Variants in CNTN1 observed in about 807,000 individuals in gnomAD.
The protein encoded by CNTN1 is contactin 1.
CNTN1 carries 38 observed loss-of-function variants against 126.4 expected under a neutral mutation model. The ratio of observed to expected loss-of-function variants is 0.30; its 90% CI spans 0.23 to 0.39. CNTN1 has a LOEUF of 0.39. Among genes scored for constraint, CNTN1 ranks in the 10% least tolerant of loss-of-function variants. CNTN1 has a pLI of 1.00. For synonymous variants in CNTN1, 413 were observed against 422.6 expected (o/e 0.98, Z 0.28); for missense variants, 1,009 against 1,248.4 (o/e 0.81, Z 2.89).
chr12:40,822,406 C>G (rs116833442), intron 1 of CNTN1, among the ~76,000 whole-genome samples: 17 of 151,666 alleles, frequency 1.1e-4, no homozygotes, highest in Non-Finnish European at 1.9e-4. Context: ...CCGCTCGCCT[C>G]GGGCTCCCAA....
At chr12:40,870,110 C>T (rs1943433807) in intron 1 of CNTN1, among the ~76,000 whole-genome samples, 2 of 152,066 alleles carry the variant, frequency 1.3e-5, no homozygotes, top group South Asian at 4.1e-4. Context: ...TGTGCCTTCA[C>T]CTTCCACCAT....
chr12:41,051,114 G>A (rs1322265757), intron 23 of CNTN1, among the ~76,000 whole-genome samples: 1 of 151,068 alleles, frequency 6.6e-6, no homozygotes, highest in East Asian at 1.9e-4. Flanking sequence ...CCTTCAGTGA[G>A]CTGTGTTTTT....
intron 1 of CNTN1, among the ~76,000 whole-genome samples, chr12:40,841,578 C>T (rs1452106813): frequency 6.6e-6 from 1 of 151,958 alleles, no homozygotes; most frequent in Non-Finnish European, 1.5e-5. Context: ...GATAATACAC[C>T]TTGATCAAGT....
At chr12:40,860,454 C>A (rs1307835373) in intron 1 of CNTN1, among the ~76,000 whole-genome samples, 1 of 152,058 alleles carries the variant, frequency 6.6e-6, no homozygotes, top group East Asian at 1.9e-4. Flanking sequence ...CTCAGTCTTA[C>A]AAGATTGCCC....
At chr12:40,721,532 G>A (rs991750005) in intron 1 of CNTN1, among the ~76,000 whole-genome samples, 2 of 151,388 alleles carry the variant, frequency 1.3e-5, no homozygotes, top group Non-Finnish European at 2.9e-5. Flanking sequence ...GCTGAATTGG[G>A]ACATCTTACA....
chr12:40,795,228 T>A (rs1176252699), intron 1 of CNTN1, among the ~76,000 whole-genome samples: 2 of 151,252 alleles, frequency 1.3e-5, no homozygotes, highest in Non-Finnish European at 2.9e-5. Flanking sequence ...CCACATCCTC[T>A]GAACCAATTC....
chr12:41,049,720 C>G (rs1949629172), intron 23 of CNTN1, among the ~76,000 whole-genome samples: 1 of 152,160 alleles, frequency 6.6e-6, no homozygotes, highest in Non-Finnish European at 1.5e-5. Flanking sequence ...TTAATGGCTT[C>G]CTATCTGAGA....
intron 23 of CNTN1, among the ~76,000 whole-genome samples, chr12:41,041,627 T>C (rs1949412462): frequency 6.6e-6 from 1 of 152,202 alleles, no homozygotes; most frequent in Non-Finnish European, 1.5e-5. Context: ...GTCAACTTCG[T>C]CCTGGTTTAG....
chr12:40,932,520 C>G (rs1288808804), intron 7 of CNTN1, among the ~76,000 whole-genome samples: 1 of 151,952 alleles, frequency 6.6e-6, no homozygotes, highest in Non-Finnish European at 1.5e-5. Context: ...TGAGAAAATT[C>G]ATCTCAAAAT....
chr12:40,724,117 T>A (rs1377272303), intron 1 of CNTN1, among the ~76,000 whole-genome samples: 3 of 152,214 alleles, frequency 2.0e-5, no homozygotes, highest in Non-Finnish European at 4.4e-5. Flanking sequence ...TTTTTTCATT[T>A]CTAATTTAAA....
intron 14 of CNTN1, among the ~76,000 whole-genome samples, chr12:40,944,667 G>A (rs1946374827): frequency 1.4e-5 from 2 of 143,928 alleles, no homozygotes; most frequent in Admixed American, 1.4e-4. Flanking sequence ...ATTGAAAGGT[G>A]TTACATTCTA....
intron 15 of CNTN1, 118 bp from the exon 16 acceptor site, chr12:40,980,791 C>T: frequency 1.1e-6 from 1 of 921,480 alleles, no homozygotes; most frequent in Non-Finnish European, 1.7e-6. Context: ...TGCAGACACA[C>T]TGATTATATT....
At chr12:40,845,802 C>T (rs967644143) in intron 1 of CNTN1, among the ~76,000 whole-genome samples, 2 of 152,140 alleles carry the variant, frequency 1.3e-5, no homozygotes, top group African/African-American at 4.8e-5. Context: ...CACTCCCCAA[C>T]CCCCATAACT....
At position 40,747,935 on chromosome 12, in the gene CNTN1, G is replaced by A. The variant is rs17128725; in HGVS notation, c.-77+55343G>A. ...GAGTGAAATGGTGTATTCATGAAAG[G>A]AGAGTATTAGATACTAAATTAGATC... On this transcript the variant is annotated intron_variant, in intron 1 of 23. Coordinates refer to ENST00000551295, the MANE Select transcript of CNTN1 (RefSeq NM_001843.4). Among the ~76,000 whole-genome samples, 139 of 152,268 alleles carry A rather than the reference G, an allele frequency of 9.1e-4. 1 individual carries two copies. The South Asian group carries it at 0.012, about 13-fold the overall frequency.
At chr12:40,700,572 T>G (rs1591986363) in intron 1 of CNTN1, among the ~76,000 whole-genome samples, 1 of 152,228 alleles carries the variant, frequency 6.6e-6, no homozygotes, top group East Asian at 1.9e-4. Context: ...CTTTGTTTAG[T>G]AGACAATGTT....
In CNTN1 at chr12:41,025,753, G is replaced by A. The variant is rs149447658; in HGVS notation, c.2710+417G>A. Among the ~76,000 whole-genome samples, 16 of 152,176 alleles carry A rather than the reference G, an allele frequency of 1.1e-4. No individual in the cohort carries two copies. In the East Asian group the frequency reaches 3.1e-3, roughly 29 times the overall value. ...GCACAGTGCAATGCAAGTTAAGTGT[G>A]TAGCATTATGCTTACTCTCTTATTA... is the stretch of plus-strand genomic sequence containing the variant. On this transcript the variant is annotated intron_variant, in intron 21 of 23. Coordinates refer to ENST00000551295, the MANE Select transcript of CNTN1 (RefSeq NM_001843.4).
intron 1 of CNTN1, among the ~76,000 whole-genome samples, chr12:40,897,302 A>G (rs1944445313): frequency 6.6e-6 from 1 of 152,174 alleles, no homozygotes; most frequent in Admixed American, 6.5e-5. Flanking sequence ...CTCTTGGTGG[A>G]AGGGATCAAA....
At chr12:40,995,596 A>T (rs939947344) in intron 17 of CNTN1, among the ~76,000 whole-genome samples, 2 of 152,116 alleles carry the variant, frequency 1.3e-5, no homozygotes, top group Non-Finnish European at 2.9e-5. Context: ...CTCAAATGGT[A>T]TTTTGTTAAG....
intron 3 of CNTN1, among the ~76,000 whole-genome samples, chr12:40,912,105 C>G (rs1354987547): frequency 6.6e-6 from 1 of 152,112 alleles, no homozygotes; most frequent in African/African-American, 2.4e-5. Context: ...AGCTAGTGTT[C>G]AAATATATGT....
Sources: allele counts gnomAD v4.1 joint callset (sites outside exome capture counted in the v4.1 genomes callset), GRCh38; gene constraint gnomAD v4.1.1; transcripts MANE v1.5; gene names NCBI Gene and HGNC (gene_info 2026-07-23, HGNC 2026-07-21).